LRMDA: variants seen among roughly 807,000 people sequenced by gnomAD.
LRMDA encodes leucine-rich melanocyte differentiation-associated protein.
In LRMDA, 18 loss-of-function variants were observed where a neutral mutation model predicts 29.8. The ratio of observed to expected loss-of-function variants is 0.60; its 90% CI spans 0.42 to 0.90. The LOEUF (loss-of-function observed/expected upper bound fraction) is 0.90. LRMDA is among the 40% of genes least tolerant of loss of function. LRMDA has a pLI of 0.00. For missense variants in LRMDA, 273 were observed against 273.9 expected (o/e 1.00, Z 0.02); for synonymous variants, 125 against 109.4 (o/e 1.14, Z -0.89).
chr10:75,506,090 A>C (rs1019242860), intron 2 of LRMDA, among the ~76,000 whole-genome samples: 5 of 152,140 alleles, frequency 3.3e-5, no homozygotes, highest in Non-Finnish European at 5.9e-5. Context: ...AAGTCAATGA[A>C]CCATAAGTAG....
intron 5 of LRMDA, among the ~76,000 whole-genome samples, chr10:76,091,497 C>G (rs1486284699): frequency 6.6e-6 from 1 of 152,120 alleles, no homozygotes; most frequent in Non-Finnish European, 1.5e-5. Flanking sequence ...AATGGGGTAT[C>G]CTGGAGAGAC....
chr10:76,556,105 C>T (rs1180522469), intron 6 of LRMDA, among the ~76,000 whole-genome samples: 1 of 152,158 alleles, frequency 6.6e-6, no homozygotes, highest in Non-Finnish European at 1.5e-5. Flanking sequence ...TTCTTATGGG[C>T]ATTTAGAATA....
At chr10:76,146,876 G>A (rs1850333517) in intron 5 of LRMDA, among the ~76,000 whole-genome samples, 1 of 152,134 alleles carries the variant, frequency 6.6e-6, no homozygotes, top group African/African-American at 2.4e-5. Context: ...TTTAGGGCAG[G>A]CCTGCTGGTG....
At chr10:76,067,880 C>T (rs1447176168) in intron 5 of LRMDA, among the ~76,000 whole-genome samples, 2 of 152,208 alleles carry the variant, frequency 1.3e-5, no homozygotes, top group Admixed American at 6.5e-5. Flanking sequence ...CTTAATAGAG[C>T]TCTGTCTTCC....
chr10:75,868,930 G>C (rs1433213304), intron 2 of LRMDA, among the ~76,000 whole-genome samples: 2 of 152,186 alleles, frequency 1.3e-5, no homozygotes, highest in African/African-American at 4.8e-5. Context: ...AGGACATCCT[G>C]TCCTCCCAAA....
chr10:76,234,903 G>A (rs1234720046), intron 5 of LRMDA, among the ~76,000 whole-genome samples: 1 of 152,208 alleles, frequency 6.6e-6, no homozygotes, highest in Admixed American at 6.5e-5. Context: ...CAATAAGGCT[G>A]TTTCACTTTC....
intron 2 of LRMDA, among the ~76,000 whole-genome samples, chr10:75,593,486 A>G (rs1840747635): frequency 6.6e-6 from 1 of 152,240 alleles, no homozygotes; most frequent in African/African-American, 2.4e-5. Flanking sequence ...TCAGCAATGC[A>G]ATAACACTTT....
At chr10:75,980,685 A>G (rs1847152888) in intron 2 of LRMDA, among the ~76,000 whole-genome samples, 2 of 152,216 alleles carry the variant, frequency 1.3e-5, no homozygotes, top group Admixed American at 6.5e-5. Flanking sequence ...TACTCTCATG[A>G]TGTCACAAAG....
intron 2 of LRMDA, among the ~76,000 whole-genome samples, chr10:75,625,067 A>G (rs1490684517): frequency 6.6e-6 from 1 of 152,168 alleles, no homozygotes; most frequent in South Asian, 2.1e-4. Context: ...GTAGAATCAC[A>G]TAGTTAGTCT....
At chr10:76,398,209 A>T (rs912113770) in intron 6 of LRMDA, among the ~76,000 whole-genome samples, 12 of 152,200 alleles carry the variant, frequency 7.9e-5, no homozygotes, top group African/African-American at 2.9e-4. Context: ...TGATTAGCTC[A>T]TGCGGACTTC....
chr10:76,133,344 A>G (rs1268688773), intron 5 of LRMDA, among the ~76,000 whole-genome samples: 1 of 152,084 alleles, frequency 6.6e-6, no homozygotes, highest in East Asian at 1.9e-4. Context: ...GCACCTGCCA[A>G]CCTGACCTGT....
chr10:76,487,864 A>G (rs529856835), intron 6 of LRMDA, among the ~76,000 whole-genome samples: 2 of 152,018 alleles, frequency 1.3e-5, no homozygotes, highest in Non-Finnish European at 2.9e-5. Context: ...ATGTCTATAC[A>G]ATTAATATTA....
chr10:75,663,468 A>G (rs1841780688), intron 2 of LRMDA, among the ~76,000 whole-genome samples: 1 of 152,030 alleles, frequency 6.6e-6, no homozygotes, highest in Non-Finnish European at 1.5e-5. Context: ...AGGGTTGAGA[A>G]CCCCAATATA....
intron 2 of LRMDA, among the ~76,000 whole-genome samples, chr10:75,481,086 T>C (rs1844851403): frequency 6.6e-6 from 1 of 152,120 alleles, no homozygotes; most frequent in Non-Finnish European, 1.5e-5. Flanking sequence ...CTTTGGGCCA[T>C]CCATGTGGAA....
At chr10:75,652,937 C>T (rs1673314582) in intron 2 of LRMDA, among the ~76,000 whole-genome samples, 1 of 152,206 alleles carries the variant, frequency 6.6e-6, no homozygotes, top group African/African-American at 2.4e-5. Flanking sequence ...CCCTCCTCTG[C>T]TAGAGAAGTG....
Position 76,021,692 on chromosome 10 carries a change from G to A in LRMDA, c.132-14316G>A, listed in dbSNP as rs1847976530. ...TGAGCGGCAGTCTATAATTCACCCT[G>A]GACTCTTAAGCCAGGCCTCTCCAGC... is the stretch of plus-strand genomic sequence containing the variant. On this transcript the variant is annotated intron_variant, in intron 2 of 6. Transcript: ENST00000611255. 2.6e-5 allele frequency among the ~76,000 whole-genome samples: 4 copies of A among 152,230 alleles called. No homozygotes were observed. The South Asian group carries it at 8.3e-4, about 32-fold the overall frequency.
chr10:76,519,124 C>A (rs535563461), intron 6 of LRMDA, among the ~76,000 whole-genome samples: 2 of 151,970 alleles, frequency 1.3e-5, no homozygotes, highest in African/African-American at 4.8e-5. Context: ...GCCTGGGCAA[C>A]GTGGTGAAAC....
At chr10:75,681,441 G>T (rs1356678456) in intron 2 of LRMDA, among the ~76,000 whole-genome samples, 1 of 152,190 alleles carries the variant, frequency 6.6e-6, no homozygotes, top group Non-Finnish European at 1.5e-5. Flanking sequence ...CAGGTTGACG[G>T]TGGTTTGGCT....
chr10:75,532,246 C>A (rs1845486021), intron 2 of LRMDA, among the ~76,000 whole-genome samples: 1 of 152,086 alleles, frequency 6.6e-6, no homozygotes, highest in South Asian at 2.1e-4. Flanking sequence ...TCAGCCAGAT[C>A]CCGAAGATCT....
Sources: gnomAD v4.1 joint callset for allele counts (sites outside exome capture counted in the v4.1 genomes callset) on GRCh38, gnomAD v4.1.1 for gene constraint, MANE v1.5 for transcripts, NCBI Gene and HGNC (gene_info 2026-07-23, HGNC 2026-07-21) for gene names.